PACSIN2: variants seen among roughly 807,000 people sequenced by gnomAD.
PACSIN2 encodes the protein protein kinase C and casein kinase substrate in neurons protein 2.
PACSIN2 carries 25 observed loss-of-function variants against 63.8 expected under a neutral mutation model. The ratio of observed to expected loss-of-function variants is 0.39; its 90% confidence interval spans 0.29 to 0.55. PACSIN2 has a LOEUF of 0.55. Ranked by LOEUF, PACSIN2 falls within the 20% of genes least tolerant of loss-of-function variation. The pLI, the probability that PACSIN2 is intolerant of heterozygous loss-of-function variation, is 0.62. For missense variants in PACSIN2, 518 were observed against 646.9 expected (o/e 0.80, Z 2.16); for synonymous variants, 255 against 256.2 (o/e 1.00, Z 0.05).
chr22:42,952,501 G>A (rs895064726), intron 1 of PACSIN2, among the ~76,000 whole-genome samples: 7 of 151,516 alleles, frequency 4.6e-5, no homozygotes, highest in Non-Finnish European at 7.4e-5. Flanking sequence ...TGGGACTTTA[G>A]GCGCGCACCA....
At chr22:42,972,451 C>G (rs1921398452) in intron 1 of PACSIN2, among the ~76,000 whole-genome samples, 1 of 152,168 alleles carries the variant, frequency 6.6e-6, no homozygotes, top group Non-Finnish European at 1.5e-5. Context: ...CCACTATTGT[C>G]CTATGACCCT....
chr22:42,888,813 A>T lies in PACSIN2; in HGVS notation c.454-15T>A, dbSNP rs1929686012. On this transcript the variant is annotated splice_polypyrimidine_tract_variant and intron_variant, in intron 4 of 10. Transcript: ENST00000263246. ...GCTGCTTCTACCTACAGGGAGAATG[A>T]GTTCCTGAATGCCATGTCACTGGGA... 4 of 1,613,836 alleles carry T rather than the reference A, an allele frequency of 2.5e-6. No homozygotes were observed. In the East Asian group the frequency reaches 8.9e-5, roughly 36 times the overall value.
intron 1 of PACSIN2, among the ~76,000 whole-genome samples, chr22:42,952,572 T>C (rs939394281): frequency 6.6e-6 from 1 of 151,976 alleles, no homozygotes; most frequent in Non-Finnish European, 1.5e-5. Context: ...TTGGCCAGGA[T>C]GGTCTCAGTC....
At chr22:42,894,404 A>G (rs1930136938) in intron 2 of PACSIN2, among the ~76,000 whole-genome samples, 1 of 152,148 alleles carries the variant, frequency 6.6e-6, no homozygotes, top group Non-Finnish European at 1.5e-5. Flanking sequence ...CATCACACCC[A>G]GCTAGTTTTT....
chr22:42,987,154 G>A (rs1432974676), intron 1 of PACSIN2, among the ~76,000 whole-genome samples: 2 of 151,948 alleles, frequency 1.3e-5, no homozygotes, highest in Admixed American at 1.3e-4. Context: ...AGACTGACCT[G>A]GGTTCAAACC....
At chr22:42,958,870 A>G (rs554779601) in intron 1 of PACSIN2, among the ~76,000 whole-genome samples, 15 of 152,320 alleles carry the variant, frequency 9.8e-5, no homozygotes, top group Admixed American at 2.0e-4. Context: ...GGGTCACTTA[A>G]GTATCAGGAT....
chr22:42,928,452 T>C (rs1932675142), intron 1 of PACSIN2, among the ~76,000 whole-genome samples: 1 of 152,218 alleles, frequency 6.6e-6, no homozygotes. Context: ...TGCATCAGAG[T>C]ACAGAAATCA....
chr22:42,899,137 C>T (rs1364712063), intron 2 of PACSIN2, among the ~76,000 whole-genome samples: 5 of 152,184 alleles, frequency 3.3e-5, no homozygotes, highest in African/African-American at 1.2e-4. Context: ...CTGTGTCTTC[C>T]TAATCCACCA....
At chr22:42,909,638 T>C (rs573443366) in intron 2 of PACSIN2, 29 of 469,236 alleles carry the variant, frequency 6.2e-5, no homozygotes, top group African/African-American at 5.6e-4. Flanking sequence ...CAAAAGGAGA[T>C]GTTCTTGTCT....
intron 10 of PACSIN2, among the ~76,000 whole-genome samples, chr22:42,873,697 C>T (rs2146621308): frequency 6.6e-6 from 1 of 152,324 alleles, no homozygotes; most frequent in South Asian, 2.1e-4. Context: ...GGGGGAGCTT[C>T]ACAAAGAGGG....
intron 1 of PACSIN2, among the ~76,000 whole-genome samples, chr22:42,957,266 T>C (rs561269272): frequency 5.9e-5 from 9 of 152,258 alleles, no homozygotes; most frequent in Admixed American, 3.9e-4. Flanking sequence ...ATTAAAATAG[T>C]TGTAAAGTTA....
At chr22:42,880,361 C>T (rs905716487) in intron 7 of PACSIN2, among the ~76,000 whole-genome samples, 12 of 152,198 alleles carry the variant, frequency 7.9e-5, no homozygotes, top group African/African-American at 2.9e-4. Context: ...TGACTGAGAA[C>T]TCAATTGGAA....
In PACSIN2 at chr22:42,975,457, A is replaced by ATATATATAT. The variant is rs1921625340; in HGVS notation, c.-78+39563_-78+39564insATATATATA. ...TCTACAAAAATAAAAAATATATACA[A>ATATATATAT]ATATATATATATATAGCATGCACAC... On this transcript the variant is annotated intron_variant, in intron 1 of 10. Coordinates refer to ENST00000263246, the MANE Select transcript of PACSIN2 (RefSeq NM_001184970.3). 4.2e-4 allele frequency among the ~76,000 whole-genome samples: 59 copies of ATATATATAT among 140,734 alleles called. 3 individuals carry two copies. The highest frequency in any genetic ancestry group is 1.5e-3 in the African/African-American group (54 of 36,124). 92.3% of individuals were successfully genotyped at this position (140,734 alleles called of 152,430 possible).
intron 1 of PACSIN2, among the ~76,000 whole-genome samples, chr22:42,962,020 C>T (rs1934152485): frequency 6.6e-6 from 1 of 152,112 alleles, no homozygotes; most frequent in Admixed American, 6.5e-5. Flanking sequence ...GTGCCACGCC[C>T]GCCACAGCTG....
chr22:42,950,884 G>T (rs1933659618), intron 1 of PACSIN2, among the ~76,000 whole-genome samples: 1 of 152,104 alleles, frequency 6.6e-6, no homozygotes, highest in Non-Finnish European at 1.5e-5. Context: ...TTCCAGTAGG[G>T]GTCAGGGGAT....
At chr22:42,983,970 T>C (rs927508477) in intron 1 of PACSIN2, among the ~76,000 whole-genome samples, 4 of 143,134 alleles carry the variant, frequency 2.8e-5, no homozygotes, top group Non-Finnish European at 4.6e-5. Context: ...AGCACTTTTT[T>C]TTTTTTTTTT....
At chr22:43,010,398 A>ATATATATTTTTTTTT in intron 1 of PACSIN2, among the ~76,000 whole-genome samples, 3 of 126,396 alleles carry the variant, frequency 2.4e-5, no homozygotes, top group African/African-American at 8.5e-5. Flanking sequence ...ATATATATAT[A>ATATATATTTTTTTTT]TTTTTTTTTA....
At chr22:42,981,281 C>T (rs1424170735) in intron 1 of PACSIN2, among the ~76,000 whole-genome samples, 4 of 133,204 alleles carry the variant, frequency 3.0e-5, no homozygotes, top group Non-Finnish European at 6.4e-5. Context: ...GGAGCCCCTC[C>T]GTCCGGCAAC....
At chr22:42,904,593 C>G (rs369290090) in intron 2 of PACSIN2, among the ~76,000 whole-genome samples, 2 of 152,326 alleles carry the variant, frequency 1.3e-5, no homozygotes, top group African/African-American at 2.4e-5. Context: ...GGCTCGACCC[C>G]TAAGGTCCAA....
Sources: gnomAD v4.1 joint callset for allele counts (sites outside exome capture counted in the v4.1 genomes callset) on GRCh38, gnomAD v4.1.1 for gene constraint, MANE v1.5 for transcripts, NCBI Gene and HGNC (gene_info 2026-07-23, HGNC 2026-07-21) for gene names.